Variants in ZFPM1 observed in about 807,000 individuals in gnomAD.
ZFPM1 encodes the protein zinc finger protein ZFPM1.
ZFPM1 carries 28 observed loss-of-function variants against 46.3 expected under a neutral mutation model. That is an observed-to-expected ratio of 0.60 (90% confidence interval 0.45 to 0.83). ZFPM1 has a LOEUF of 0.83. Among genes scored for constraint, ZFPM1 ranks in the 40% least tolerant of loss-of-function variants. The pLI is 0.00. For missense variants in ZFPM1, 1,878 were observed against 1,432.4 expected, an observed-to-expected ratio of 1.31 and a Z score of -5.02; for synonymous variants, 957 against 675.9, an observed-to-expected ratio of 1.42 and a Z score of -6.45.
chr16:88,512,775 C>T (rs899143627), intron 3 of ZFPM1, among the ~76,000 whole-genome samples: 1 of 152,120 alleles, frequency 6.6e-6, no homozygotes, highest in Non-Finnish European at 1.5e-5. Flanking sequence ...TCGGGGGAGT[C>T]TCTTCTCTCC....
At chr16:88,502,946 C>T (rs996086861) in intron 3 of ZFPM1, among the ~76,000 whole-genome samples, 1 of 152,256 alleles carries the variant, frequency 6.6e-6, no homozygotes, top group Non-Finnish European at 1.5e-5. Flanking sequence ...CACCCCCACC[C>T]GCCTTTAGCT....
rs1017936946 is a variant in ZFPM1 at position 88,534,959 on chromosome 16, G to A, written c.3001G>A (p.Ala1001Thr). Residue 1001 changes from alanine to threonine, a missense_variant, in exon 10 of 10, where the codon GCC becomes ACC. By Grantham distance (58) the Ala-to-Thr change is moderately conservative (BLOSUM62 0). Coordinates refer to ENST00000319555, the MANE Select transcript of ZFPM1 (RefSeq NM_153813.3). ...CAAGAAGTATTACTGCTCCTCGCAC[G>A]CCGCCGAGCACGTGAAGTGAGCGCC... The part of the protein sequence containing the change: ...AHKKYYCSSH[A>T]AEHVK 2.2e-5 allele frequency: 33 copies of A among 1,480,764 alleles called. No homozygotes were observed. The highest frequency in any genetic ancestry group is 2.9e-5 in the Non-Finnish European group (32 of 1,105,282). 91.7% of individuals were successfully genotyped at this position (1,480,764 alleles called of 1,614,324 possible).
Position 88,534,755 on chromosome 16 carries a change from C to CCCCCGT in ZFPM1, c.2803_2808dup (p.Ser935_Pro936dup), listed in dbSNP as rs1478373718. The CCCCCGT allele has an allele frequency of 2.0e-5, 21 of 1,055,104 alleles. No homozygotes were observed. The South Asian group carries it at 5.2e-4, about 26-fold the overall frequency. The allele number at this position is 1,055,104 out of a possible 1,614,324, so 65.4% of individuals were successfully genotyped here. On this transcript the variant is annotated inframe_insertion, in exon 10 of 10. Transcript: ENST00000319555. ...GCCCCAGGAGCCGCCGCCCGGCCCG[C>CCCCCGT]CCCCGTCCCCGGCCGCCGCGCCCGA... is the stretch of plus-strand genomic sequence containing the variant.
In ZFPM1 at chr16:88,535,010, A is replaced by G; in HGVS notation, c.*31A>G. On this transcript the variant is annotated 3_prime_UTR_variant, in exon 10 of 10. Transcript: ENST00000319555. ...CACACTACAGCCGCAGACGCTTTGCACGCCCCGCTGCGATGCGGGGAGGGG... is the reference window on the plus strand; with the variant it reads ...CACACTACAGCCGCAGACGCTTTGCGCGCCCCGCTGCGATGCGGGGAGGGG... The G allele has an allele frequency of 1.5e-6, 2 of 1,363,520 alleles. No homozygotes were observed. Among genetic ancestry groups the G allele is most frequent in the South Asian group, 1.8e-5 (1 of 54,408 alleles). 84.5% of individuals were successfully genotyped at this position (1,363,520 alleles called of 1,614,324 possible).
At chr16:88,520,587 TG>T (rs372963797) in intron 4 of ZFPM1, among the ~76,000 whole-genome samples, 28,265 of 115,260 alleles carry the variant, frequency 0.25, 3,811 homozygotes, top group East Asian at 0.37. Context: ...GATGGATGGA[TG>T]GGAGGGTGAG....
chr16:88,489,355 G>A lies in ZFPM1; in HGVS notation c.268+202G>A, dbSNP rs191508756. ...AGCTTGGCACCCTCGCGCCAATCCC[G>A]GGCCTCACGTGGTGTACAAGGAAGC... On this transcript the variant is annotated intron_variant, in intron 3 of 9. Transcript: ENST00000319555. 1.0e-4 allele frequency: 81 copies of A among 798,832 alleles called. 1 individual carries two copies. In the East Asian group the frequency reaches 1.2e-3, roughly 11 times the overall value. 49.5% of individuals were successfully genotyped at this position (798,832 alleles called of 1,614,324 possible). A position where few individuals can be genotyped will look rare whatever the true frequency, so the allele number is the denominator to read the frequency against.
rs1358854482 is a variant in ZFPM1 at position 88,453,407 on chromosome 16, C to G, written c.-232C>G. 2 of 147,658 alleles carry G rather than the reference C, an allele frequency of 1.4e-5. No individual in the cohort carries two copies. The highest frequency in any genetic ancestry group is 3.0e-5 in the Non-Finnish European group (2 of 66,886). The allele number at this position is 147,658 out of a possible 1,614,324, so 9.1% of individuals were successfully genotyped here. The stretch of plus-strand genomic sequence containing the variant: ...GCGGGAGCGGAGGAGCCGGCACCCG[C>G]CCGTCGGGCAGTCCGCGCGCCCGCA... On this transcript the variant is annotated 5_prime_UTR_variant, in exon 1 of 10. Coordinates refer to ENST00000319555, the MANE Select transcript of ZFPM1 (RefSeq NM_153813.3).
At chr16:88,514,901 T>A (rs1911200440) in intron 4 of ZFPM1, among the ~76,000 whole-genome samples, 1 of 152,138 alleles carries the variant, frequency 6.6e-6, no homozygotes, top group Non-Finnish European at 1.5e-5. Context: ...AGAGGGTAGT[T>A]CTGTGTCTGT....
chr16:88,520,554 A>ATGGG (rs1413142534), intron 4 of ZFPM1, among the ~76,000 whole-genome samples: 23 of 107,846 alleles, frequency 2.1e-4, no homozygotes, highest in African/African-American at 8.7e-4. Flanking sequence ...GAAAGGATGG[A>ATGGG]TGGATGGATG....
chr16:88,531,476 T>G (rs1271790560), intron 6 of ZFPM1, among the ~76,000 whole-genome samples: 1 of 152,156 alleles, frequency 6.6e-6, no homozygotes. Context: ...TCCTAACTTG[T>G]GCACTCCTGG....
chr16:88,489,528 G>A (rs997239008), intron 3 of ZFPM1, among the ~76,000 whole-genome samples: 1 of 152,218 alleles, frequency 6.6e-6, no homozygotes, highest in Admixed American at 6.5e-5. Context: ...GGCCTTCCCA[G>A]CTGGGCCGGG....
At position 88,518,423 on chromosome 16, in the gene ZFPM1, G is replaced by C. The variant is rs376198496; in HGVS notation, c.402+3903G>C. 3.4e-3 allele frequency among the ~76,000 whole-genome samples: 352 copies of C among 104,558 alleles called. 1 individual carries two copies. The highest frequency in any genetic ancestry group is 9.5e-3 in the African/African-American group (324 of 34,058). 68.6% of individuals were successfully genotyped at this position (104,558 alleles called of 152,430 possible). ...TGCGTGGATGGATGGATGGATGATG[G>C]GTGGATGGGTGGATGCATGGATAGA... On this transcript the variant is annotated intron_variant, in intron 4 of 9. Transcript: ENST00000319555.
At chr16:88,521,172 C>T (rs1911854251) in intron 4 of ZFPM1, among the ~76,000 whole-genome samples, 1 of 151,902 alleles carries the variant, frequency 6.6e-6, no homozygotes. Context: ...CTCAGTGTTC[C>T]CTCCCCCATG....
rs759141180 is a variant in ZFPM1 at position 88,533,976 on chromosome 16, T to G, written c.2018T>G (p.Val673Gly). The G allele has an allele frequency of 6.7e-5, 89 of 1,332,014 alleles. No homozygotes were observed. The highest frequency in any genetic ancestry group is 8.5e-5 in the Non-Finnish European group (87 of 1,024,168). The allele number at this position is 1,332,014 out of a possible 1,614,324, so 82.5% of individuals were successfully genotyped here. A position where few individuals can be genotyped will look rare whatever the true frequency, so the allele number is the denominator to read the frequency against. ...SEGSQSPGSS[V>G]DDAEDDPSRT... Reference sequence around the variant, plus strand: ...GGCAGCCAGAGCCCGGGTAGCTCCGTGGACGACGCGGAGGACGACCCCAGC... The same window carrying G: ...GGCAGCCAGAGCCCGGGTAGCTCCGGGGACGACGCGGAGGACGACCCCAGC... Residue 673 changes from valine to glycine, a missense_variant, in exon 10 of 10, where the codon GTG (valine) becomes GGG (glycine). Coordinates refer to ENST00000319555, the MANE Select transcript of ZFPM1 (RefSeq NM_153813.3).
chr16:88,525,874 G>A (rs777839366), intron 4 of ZFPM1, among the ~76,000 whole-genome samples: 2 of 152,230 alleles, frequency 1.3e-5, no homozygotes, highest in African/African-American at 2.4e-5. Context: ...TGCAGGAAAC[G>A]AGGCGGCCTC....
chr16:88,474,288 G>A (rs1361068403), intron 1 of ZFPM1, among the ~76,000 whole-genome samples: 4 of 152,208 alleles, frequency 2.6e-5, no homozygotes, highest in Admixed American at 6.5e-5. Flanking sequence ...CTCCAGAGAA[G>A]GGGCAGGCTC....
chr16:88,524,904 C>T (rs889544979), intron 4 of ZFPM1, among the ~76,000 whole-genome samples: 1 of 152,178 alleles, frequency 6.6e-6, no homozygotes, highest in Non-Finnish European at 1.5e-5. Context: ...GACGGCTTCA[C>T]ACTGGGACTG....
intron 4 of ZFPM1, among the ~76,000 whole-genome samples, chr16:88,520,132 G>A (rs1015866340): frequency 2.0e-5 from 3 of 150,418 alleles, no homozygotes; most frequent in Admixed American, 2.0e-4. Flanking sequence ...TGGCTGAGAA[G>A]GTGGATGGAT....
At chr16:88,532,746 G>C (rs762999596) in intron 8 of ZFPM1, 37 bp downstream of exon 8, 32 of 1,612,422 alleles carry the variant, frequency 2.0e-5, no homozygotes, top group Middle Eastern at 1.6e-4. Context: ...TGTGGGTCCC[G>C]CCTCCCCGCC....
Sources: gnomAD v4.1 joint callset for allele counts (sites outside exome capture counted in the v4.1 genomes callset) on GRCh38, gnomAD v4.1.1 for gene constraint, MANE v1.5 for transcripts, NCBI Gene and HGNC (gene_info 2026-07-23, HGNC 2026-07-21) for gene names.